TRAPPC9: variants seen among roughly 807,000 people sequenced by gnomAD.
TRAPPC9 encodes IKK2 binding protein.
Under a neutral mutation model 124.0 loss-of-function variants are expected in TRAPPC9, and 83 were observed. That is an observed-to-expected ratio of 0.67 (90% CI 0.56 to 0.80). The LOEUF is 0.80. TRAPPC9 is among the 30% of genes least tolerant of loss of function. TRAPPC9 has a pLI of 0.00. For missense variants in TRAPPC9, 1,302 were observed against 1,508.3 expected (o/e 0.86, Z 2.27); for synonymous variants, 638 against 617.5 (o/e 1.03, Z -0.49).
At chr8:139,737,476 C>CCCCG (rs1227573423) in intron 21 of TRAPPC9, among the ~76,000 whole-genome samples, 2 of 129,764 alleles carry the variant, frequency 1.5e-5, no homozygotes, top group African/African-American at 2.8e-5. Context: ...TCCCCCCCCC[C>CCCCG]CCACGGAAAA....
intron 17 of TRAPPC9, among the ~76,000 whole-genome samples, chr8:140,185,428 T>C (rs1162319374): frequency 6.6e-6 from 1 of 152,166 alleles, no homozygotes; most frequent in Non-Finnish European, 1.5e-5. Flanking sequence ...TGGAAGTGCG[T>C]TTCTCTCTCC....
intron 4 of TRAPPC9, among the ~76,000 whole-genome samples, chr8:140,429,923 G>C (rs1196499212): frequency 1.3e-5 from 2 of 152,216 alleles, no homozygotes; most frequent in African/African-American, 4.8e-5. Context: ...GAGGTGGGCA[G>C]ATCACCTGAT....
intron 21 of TRAPPC9, among the ~76,000 whole-genome samples, chr8:139,845,399 G>T (rs537328088): frequency 6.6e-6 from 1 of 152,316 alleles, no homozygotes; most frequent in South Asian, 2.1e-4. Context: ...ACATTAAAAC[G>T]CACTGGAGTG....
At chr8:140,132,335 A>C (rs1458894692) in intron 17 of TRAPPC9, among the ~76,000 whole-genome samples, 1 of 152,182 alleles carries the variant, frequency 6.6e-6, no homozygotes, top group South Asian at 2.1e-4. Flanking sequence ...ACCACGTAAG[A>C]CTTCATTTCT....
At chr8:140,423,609 CAT>C (rs2070305529) in intron 5 of TRAPPC9, among the ~76,000 whole-genome samples, 1 of 147,042 alleles carries the variant, frequency 6.8e-6, no homozygotes, top group South Asian at 2.2e-4. Context: ...CACACACACA[CAT>C]CACATATATA....
intron 21 of TRAPPC9, among the ~76,000 whole-genome samples, chr8:139,842,237 T>C (rs1826777554): frequency 1.3e-5 from 2 of 152,206 alleles, no homozygotes; most frequent in African/African-American, 4.8e-5. Context: ...CCTCTTGAAA[T>C]GTTGCTGCTG....
At chr8:139,958,328 T>G (rs1401501464) in intron 19 of TRAPPC9, among the ~76,000 whole-genome samples, 5 of 152,144 alleles carry the variant, frequency 3.3e-5, no homozygotes, top group Non-Finnish European at 5.9e-5. Flanking sequence ...CCTCAATGCC[T>G]TTTCTTTCCT....
chr8:140,243,153 A>C (rs1054726538), intron 16 of TRAPPC9, among the ~76,000 whole-genome samples: 1 of 152,224 alleles, frequency 6.6e-6, no homozygotes, highest in African/African-American at 2.4e-5. Flanking sequence ...TCTGCGTTTT[A>C]GCAAAGACAC....
chr8:139,992,655 G>A (rs1486185592), intron 18 of TRAPPC9, among the ~76,000 whole-genome samples: 1 of 149,434 alleles, frequency 6.7e-6, no homozygotes, highest in Non-Finnish European at 1.5e-5. Flanking sequence ...TGGCCTACTA[G>A]ATGTCAGGAA....
chr8:139,930,466 C>T (rs1382410857), intron 19 of TRAPPC9, among the ~76,000 whole-genome samples: 1 of 152,200 alleles, frequency 6.6e-6, no homozygotes, highest in Non-Finnish European at 1.5e-5. Flanking sequence ...TAGAGCCAAG[C>T]CTTGGAAAGG....
chr8:140,177,904 T>C (rs2062105910), intron 17 of TRAPPC9, among the ~76,000 whole-genome samples: 1 of 152,090 alleles, frequency 6.6e-6, no homozygotes, highest in East Asian at 1.9e-4. Context: ...AAGTATATAA[T>C]TTTTGTTTTT....
intron 4 of TRAPPC9, among the ~76,000 whole-genome samples, chr8:140,432,107 G>C (rs979910855): frequency 1.3e-5 from 2 of 152,120 alleles, no homozygotes; most frequent in Non-Finnish European, 2.9e-5. Flanking sequence ...CCTTGTCTAA[G>C]TCTTCTTTCA....
chr8:140,082,060 A>C (rs1002943272), intron 17 of TRAPPC9: 1 of 152,236 alleles, frequency 6.6e-6, no homozygotes, highest in Non-Finnish European at 1.5e-5. Context: ...ACCAAATCAA[A>C]TTGAAGCGTG....
At chr8:140,338,443 G>C (rs1432191958) in intron 9 of TRAPPC9, among the ~76,000 whole-genome samples, 1 of 152,204 alleles carries the variant, frequency 6.6e-6, no homozygotes, top group Non-Finnish European at 1.5e-5. Context: ...CTTAGGATGG[G>C]ACAGGACAGA....
chr8:140,088,049 C>T (rs1307828163), intron 17 of TRAPPC9, among the ~76,000 whole-genome samples: 4 of 152,146 alleles, frequency 2.6e-5, no homozygotes, highest in Non-Finnish European at 1.5e-5. Context: ...AGGACAAATG[C>T]TACCTCCTCA....
intron 16 of TRAPPC9, among the ~76,000 whole-genome samples, chr8:140,239,202 C>T (rs2063801483): frequency 6.6e-6 from 1 of 152,150 alleles, no homozygotes; most frequent in Admixed American, 6.5e-5. Flanking sequence ...CACCCAGACG[C>T]ACCACCCTCA....
At chr8:139,765,879 G>A (rs550315097) in intron 21 of TRAPPC9, among the ~76,000 whole-genome samples, 1 of 152,304 alleles carries the variant, frequency 6.6e-6, no homozygotes, top group Admixed American at 6.5e-5. Context: ...TCCCCAGCCG[G>A]GGTCTGTGCC....
rs1366103660 is a variant in TRAPPC9 at position 140,087,662 on chromosome 8, C to T, written c.2557-63583G>A. On this transcript the variant is annotated intron_variant, in intron 17 of 22. Transcript: ENST00000438773. This position sits in a 1 kb window ranked among gnomAD's most constrained non-coding sequence, Gnocchi z 4.6. ...GTCGCCAACCTCCTCTGCTGCCGCC[C>T]TCATCCAAGCCACTGTCATCGCTTG... Among the ~76,000 whole-genome samples the T allele has an allele frequency of 6.6e-6, 1 of 152,220 alleles. No homozygotes were observed. Among genetic ancestry groups the T allele is most frequent in the Non-Finnish European group, 1.5e-5 (1 of 68,042 alleles).
At chr8:140,051,567 T>C (rs4736016) in intron 17 of TRAPPC9, among the ~76,000 whole-genome samples, 32 of 148,198 alleles carry the variant, frequency 2.2e-4, no homozygotes, top group Admixed American at 1.9e-3. Flanking sequence ...CAGGAAAACA[T>C]TGTTCATTCT....
Sources: allele counts gnomAD v4.1 joint callset (sites outside exome capture counted in the v4.1 genomes callset), GRCh38; gene constraint gnomAD v4.1.1; non-coding constraint Gnocchi (gnomAD v3.1); transcripts MANE v1.5; gene names NCBI Gene and HGNC (gene_info 2026-07-23, HGNC 2026-07-21).